Variants in FRAS1 observed in about 807,000 individuals in gnomAD.
FRAS1 encodes extracellular matrix organizing protein FRAS1.
Under a neutral mutation model 435.2 loss-of-function variants are expected in FRAS1, and 290 were observed. The observed-to-expected ratio is 0.67, with a 90% CI of 0.61 to 0.73. The LOEUF (loss-of-function observed/expected upper bound fraction) is 0.73. FRAS1 is among the 30% of genes least tolerant of loss of function. FRAS1 has a pLI of 0.00. For synonymous variants in FRAS1, 1,800 were observed against 1,851.0 expected (o/e 0.97, Z 0.71); for missense variants, 4,860 against 5,001.5 (o/e 0.97, Z 0.85).
In FRAS1 at chr4:78,185,140, T is replaced by C. The variant is rs573460380; in HGVS notation, c.109-52370T>C. Reference sequence around the variant, plus strand: ...GATGTGTTGATGAGACCAGTACTTGTAGAATTAATGCTGCGTGTCAGTTGA... The same window carrying C: ...GATGTGTTGATGAGACCAGTACTTGCAGAATTAATGCTGCGTGTCAGTTGA... On this transcript the variant is annotated intron_variant, in intron 2 of 73. Coordinates refer to ENST00000512123, the MANE Select transcript of FRAS1 (RefSeq NM_025074.7). Among the ~76,000 whole-genome samples the C allele has an allele frequency of 2.6e-5, 4 of 152,340 alleles. No homozygotes were observed. In the South Asian group the frequency reaches 8.3e-4, roughly 32 times the overall value.
chr4:78,118,389 G>C (rs1200627475), intron 2 of FRAS1, among the ~76,000 whole-genome samples: 2 of 152,194 alleles, frequency 1.3e-5, no homozygotes, highest in East Asian at 3.8e-4. Flanking sequence ...CTGCAGAGGT[G>C]CTGCCTTTTG....
intron 60 of FRAS1, 27 bp from the exon 61 acceptor site, chr4:78,499,694 C>T (rs577768478): frequency 6.2e-7 from 1 of 1,605,418 alleles, no homozygotes; most frequent in East Asian, 2.2e-5. Flanking sequence ...CTAACTGGCT[C>T]TTGTTTTCCT....
chr4:78,334,838 A>T (rs192457157), intron 19 of FRAS1, among the ~76,000 whole-genome samples: 105 of 152,112 alleles, frequency 6.9e-4, no homozygotes, highest in African/African-American at 2.2e-3. Context: ...AGCTCACTGC[A>T]GCCTTGAACT....
At chr4:78,411,392 G>A (rs1354400158) in intron 31 of FRAS1, among the ~76,000 whole-genome samples, 2 of 152,072 alleles carry the variant, frequency 1.3e-5, no homozygotes, top group Non-Finnish European at 2.9e-5. Flanking sequence ...GATTACAGGC[G>A]TGAGCCACCC....
chr4:78,419,089 T>C, intron 33 of FRAS1, 26 bp downstream of exon 33: 1 of 1,287,822 alleles, frequency 7.8e-7, no homozygotes, highest in East Asian at 2.5e-5. Context: ...AATGATCTTT[T>C]GAGTGATATT....
chr4:78,140,804 T>C (rs1175079744), intron 2 of FRAS1, among the ~76,000 whole-genome samples: 1 of 152,016 alleles, frequency 6.6e-6, no homozygotes, highest in African/African-American at 2.4e-5. Flanking sequence ...ATATATATGA[T>C]GGAATACTAC....
At chr4:78,501,897 TAA>T in intron 61 of FRAS1, among the ~76,000 whole-genome samples, 1 of 152,336 alleles carries the variant, frequency 6.6e-6, no homozygotes, top group Non-Finnish European at 1.5e-5. Context: ...TTAATTTTTG[TAA>T]AAAGTGTAAG....
At position 78,477,866 on chromosome 4, in the gene FRAS1, G is replaced by A. The variant is rs761187867; in HGVS notation, c.7903G>A (p.Asp2635Asn). 1.7e-5 allele frequency: 28 copies of A among 1,613,538 alleles called. No homozygotes were observed. In the East Asian group the frequency reaches 5.4e-4, roughly 31 times the overall value. ...CAAGTCCTGCACCATTGTCATCAAC[G>A]ATGATGACGTGTTTGAAAATGTTGA... ...DTKSCTIVIN[D>N]DDVFENVESF... is the part of the protein sequence containing the mutation. Residue 2635 changes from aspartate (D) to asparagine (N), a missense_variant, in exon 55 of 74, where the codon GAT (aspartate) becomes AAT (asparagine). Asp to Asn is a conservative substitution (Grantham distance 23). Transcript: ENST00000512123.
At chr4:78,129,649 A>T (rs1409039399) in intron 2 of FRAS1, among the ~76,000 whole-genome samples, 2 of 152,166 alleles carry the variant, frequency 1.3e-5, no homozygotes, top group Non-Finnish European at 2.9e-5. Context: ...TGCAGTAAAG[A>T]CTTCCAGAGT....
chr4:78,230,539 T>C (rs1202414849), intron 2 of FRAS1, among the ~76,000 whole-genome samples: 1 of 152,198 alleles, frequency 6.6e-6, no homozygotes, highest in African/African-American at 2.4e-5. Flanking sequence ...ATGAAAGTTA[T>C]TGATTCGTTT....
chr4:78,538,307 A>G (rs1349971116), intron 72 of FRAS1, among the ~76,000 whole-genome samples: 2 of 152,228 alleles, frequency 1.3e-5, no homozygotes. Flanking sequence ...AGTCACATAA[A>G]CAAAAACTCT....
intron 2 of FRAS1, among the ~76,000 whole-genome samples, chr4:78,191,658 A>T (rs1722539535): frequency 6.6e-6 from 1 of 151,650 alleles, no homozygotes; most frequent in African/African-American, 2.4e-5. Context: ...ATCATTTAGC[A>T]TTAGGTATAT....
At position 78,511,512 on chromosome 4, in the gene FRAS1, G is replaced by T; in HGVS notation, c.10013+6G>T. 6.2e-7 allele frequency: 1 copy of T among 1,602,618 alleles called. No homozygotes were observed. The highest frequency in any genetic ancestry group is 8.5e-7 in the Non-Finnish European group (1 of 1,171,024). On this transcript the variant is annotated splice_donor_region_variant and intron_variant, in intron 64 of 73. Transcript: ENST00000512123. ...CATAAGGAGCATCCGAACAGGTCAG[G>T]CAGGTGGTGCCTTCCACCACACATA...
In FRAS1 at chr4:78,363,384, C is replaced by A. The variant is rs1427788049; in HGVS notation, c.2423-129C>A. 7 of 886,718 alleles carry A rather than the reference C, an allele frequency of 7.9e-6. No homozygotes were observed. In the Admixed American group the frequency reaches 1.1e-4, roughly 14 times the overall value. 54.9% of individuals were successfully genotyped at this position (886,718 alleles called of 1,614,324 possible). On this transcript the variant is annotated intron_variant, in intron 20 of 73. Transcript: ENST00000512123. ...GCTTCTACTTTACTGATATACACTGCCTTTGGGCTACTCTCCAGCTGTCAG... is the reference window on the plus strand; with the variant it reads ...GCTTCTACTTTACTGATATACACTGACTTTGGGCTACTCTCCAGCTGTCAG...
intron 47 of FRAS1, among the ~76,000 whole-genome samples, chr4:78,455,423 G>A (rs542979999): frequency 1.3e-5 from 2 of 151,946 alleles, no homozygotes; most frequent in African/African-American, 4.8e-5. Context: ...GTTGAGGAGG[G>A]AGGGGGTTCT....
chr4:78,067,742 A>T (rs1271783096), intron 2 of FRAS1, among the ~76,000 whole-genome samples: 4 of 146,396 alleles, frequency 2.7e-5, no homozygotes, highest in Non-Finnish European at 6.0e-5. Flanking sequence ...TCTGTCACCC[A>T]GGCTGGAGTG....
intron 1 of FRAS1, among the ~76,000 whole-genome samples, chr4:78,064,866 C>T (rs558437706): frequency 4.9e-4 from 74 of 151,692 alleles, no homozygotes; most frequent in Non-Finnish European, 9.9e-4. Flanking sequence ...CTGTGTGGAG[C>T]ATTGTTAAGA....
intron 16 of FRAS1, 57 bp downstream of exon 16, chr4:78,315,791 T>C: frequency 3.2e-6 from 5 of 1,586,846 alleles, no homozygotes; most frequent in Non-Finnish European, 4.3e-6. Context: ...TGTTTGACTA[T>C]ACTTGGTGTT....
At chr4:78,460,600 C>T (rs1719341612) in intron 47 of FRAS1, among the ~76,000 whole-genome samples, 1 of 152,158 alleles carries the variant, frequency 6.6e-6, no homozygotes, top group Non-Finnish European at 1.5e-5. Context: ...CAGGCGGTTT[C>T]ATTATTTTGT....
Sources: gnomAD v4.1 joint callset for allele counts (sites outside exome capture counted in the v4.1 genomes callset) on GRCh38, gnomAD v4.1.1 for gene constraint, MANE v1.5 for transcripts, NCBI Gene and HGNC (gene_info 2026-07-23, HGNC 2026-07-21) for gene names.